The following SH3RF1 variants were observed in gnomAD, a reference collection of about 807,000 sequenced individuals.
SH3RF1 encodes SH3 domain containing ring finger 1, also known as E3 ubiquitin-protein ligase SH3RF1.
SH3RF1 carries 32 observed loss-of-function variants against 74.0 expected under a neutral mutation model. That is an observed-to-expected ratio of 0.43 (90% CI 0.33 to 0.58). The LOEUF (loss-of-function observed/expected upper bound fraction) is 0.58, where lower values mean the gene tolerates loss of function less well. Ranked by LOEUF, SH3RF1 falls within the 20% of genes least tolerant of loss-of-function variation. The pLI, the probability that SH3RF1 is intolerant of heterozygous loss-of-function variation, is 0.05. For missense variants in SH3RF1, 954 were observed against 1,130.9 expected, an observed-to-expected ratio of 0.84 and a Z score of 2.24; for synonymous variants, 396 against 439.6, an observed-to-expected ratio of 0.90 and a Z score of 1.24.
chr4:169,187,114 T>G lies in SH3RF1; in HGVS notation c.394-30435A>C, dbSNP rs531966894. ...CTCTTTTTGCTAACTCTTAAATTAT[T>G]AGAGCAACCTGCAACTCTTTTCCTA... is the stretch of plus-strand genomic sequence containing the variant. On this transcript the variant is annotated intron_variant, in intron 2 of 11. Transcript: ENST00000284637. Among the ~76,000 whole-genome samples the G allele has an allele frequency of 1.4e-4, 22 of 152,296 alleles. No individual in the cohort carries two copies. In the East Asian group the frequency reaches 4.0e-3, roughly 28 times the overall value.
intron 2 of SH3RF1, among the ~76,000 whole-genome samples, chr4:169,258,908 TCAACATTA>T (rs1289852299): frequency 4.6e-5 from 7 of 152,304 alleles, no homozygotes; most frequent in African/African-American, 1.7e-4. Context: ...GTTCAGCTTT[TCAACATTA>T]CTGCTCACAT....
At chr4:169,172,569 G>T (rs535650960) in intron 2 of SH3RF1, among the ~76,000 whole-genome samples, 126 of 152,228 alleles carry the variant, frequency 8.3e-4, no homozygotes, top group Non-Finnish European at 1.5e-3. Context: ...TTTTTATTTG[G>T]AGATTAAGTA....
chr4:169,237,328 T>C (rs1179348706), intron 2 of SH3RF1, among the ~76,000 whole-genome samples: 2 of 152,190 alleles, frequency 1.3e-5, no homozygotes, highest in Non-Finnish European at 2.9e-5. Flanking sequence ...CAGGTGTTTA[T>C]TTACCTGGGG....
chr4:169,258,327 T>C (rs1289942800), intron 2 of SH3RF1, among the ~76,000 whole-genome samples: 2 of 152,236 alleles, frequency 1.3e-5, no homozygotes, highest in East Asian at 3.8e-4. Flanking sequence ...ACAGCTGCTA[T>C]GTAAACATTT....
At chr4:169,242,592 G>A (rs1481100923) in intron 2 of SH3RF1, among the ~76,000 whole-genome samples, 1 of 152,180 alleles carries the variant, frequency 6.6e-6, no homozygotes. Context: ...ATTTGAATGT[G>A]TCACCCAAAA....
At chr4:169,262,774 C>T (rs919223705) in intron 2 of SH3RF1, among the ~76,000 whole-genome samples, 1 of 152,140 alleles carries the variant, frequency 6.6e-6, no homozygotes, top group African/African-American at 2.4e-5. Context: ...AGAATCATTA[C>T]TTTTTTAAAA....
intron 2 of SH3RF1, among the ~76,000 whole-genome samples, chr4:169,199,101 C>G (rs1025793776): frequency 6.6e-6 from 1 of 152,086 alleles, no homozygotes; most frequent in East Asian, 1.9e-4. Flanking sequence ...ATAATAAAGT[C>G]TAGGGTTTTA....
chr4:169,146,779 A>G (rs1215510910), intron 4 of SH3RF1, among the ~76,000 whole-genome samples: 1 of 152,138 alleles, frequency 6.6e-6, no homozygotes, highest in Admixed American at 6.6e-5. Context: ...GTAGTCAAGG[A>G]ATAGGCTTTT....
intron 4 of SH3RF1, among the ~76,000 whole-genome samples, chr4:169,143,437 T>G (rs1324499901): frequency 2.6e-5 from 4 of 152,182 alleles, no homozygotes; most frequent in African/African-American, 9.7e-5. Flanking sequence ...AACAGCGACA[T>G]GTGCATTGGA....
At chr4:169,250,288 T>G (rs1210209930) in intron 2 of SH3RF1, among the ~76,000 whole-genome samples, 1 of 152,034 alleles carries the variant, frequency 6.6e-6, no homozygotes, top group Non-Finnish European at 1.5e-5. Context: ...GCTGCTATGG[T>G]TTGGAATCAT....
chr4:169,150,780 C>A lies in SH3RF1; in HGVS notation c.765+4700G>T, dbSNP rs550533610. Among the ~76,000 whole-genome samples the A allele has an allele frequency of 2.3e-4, 35 of 152,196 alleles. No homozygotes were observed. In the South Asian group the frequency reaches 6.0e-3, roughly 26 times the overall value. ...ACTGTGAGGAATCCTGAAACCAACG[C>A]CCTGTGGATACTGAGGGACAACTGT... On this transcript the variant is annotated intron_variant, in intron 4 of 11. Coordinates refer to ENST00000284637, the MANE Select transcript of SH3RF1 (RefSeq NM_020870.4).
intron 2 of SH3RF1, among the ~76,000 whole-genome samples, chr4:169,167,777 G>A (rs573124336): frequency 2.0e-5 from 3 of 152,164 alleles, no homozygotes; most frequent in Admixed American, 6.5e-5. Context: ...GTATCTTGAC[G>A]GAGGTGTTAG....
chr4:169,123,145 AC>A (rs1415608175), intron 6 of SH3RF1, among the ~76,000 whole-genome samples: 1 of 152,246 alleles, frequency 6.6e-6, no homozygotes, highest in Non-Finnish European at 1.5e-5. Context: ...TAAAGAATTT[AC>A]CTAGTTAAGT....
intron 2 of SH3RF1, among the ~76,000 whole-genome samples, chr4:169,233,017 G>A (rs1268848105): frequency 6.6e-6 from 1 of 152,144 alleles, no homozygotes; most frequent in Middle Eastern, 3.2e-3. Context: ...GGGAGGCCGA[G>A]GCAGGCAGAT....
chr4:169,269,421 A>G (rs1731408997), intron 1 of SH3RF1, 114 bp from the exon 2 acceptor site: 2 of 544,662 alleles, frequency 3.7e-6, no homozygotes, highest in East Asian at 6.1e-5. Context: ...CCCTGTCTGA[A>G]TAGTGTAGCT....
chr4:169,213,545 C>T (rs1364664073), intron 2 of SH3RF1, among the ~76,000 whole-genome samples: 4 of 152,126 alleles, frequency 2.6e-5, no homozygotes, highest in Admixed American at 1.3e-4. Context: ...TTCAGCTTAT[C>T]GAATGTTTCT....
chr4:169,110,884 T>C (rs1402997386), intron 10 of SH3RF1, among the ~76,000 whole-genome samples: 1 of 152,200 alleles, frequency 6.6e-6, no homozygotes, highest in Non-Finnish European at 1.5e-5. Context: ...CTAGAGATTC[T>C]GAAGTTATGC....
In SH3RF1 at chr4:169,192,227, C is replaced by T. The variant is rs538313815; in HGVS notation, c.394-35548G>A. On this transcript the variant is annotated intron_variant, in intron 2 of 11. Transcript: ENST00000284637. ...AAAAACAATCTCATCAAAAAGTGGG[C>T]TCAGGACATGAATAGACAGTTCGCA... Among the ~76,000 whole-genome samples the T allele has an allele frequency of 2.0e-5, 3 of 151,972 alleles. No homozygotes were observed. The South Asian group carries it at 6.2e-4, about 32-fold the overall frequency.
At chr4:169,144,317 T>G (rs1442673854) in intron 4 of SH3RF1, among the ~76,000 whole-genome samples, 1 of 152,160 alleles carries the variant, frequency 6.6e-6, no homozygotes, top group African/African-American at 2.4e-5. Context: ...TCTGTAAAAT[T>G]TTATGCCTAG....
Sources: gnomAD v4.1 joint callset for allele counts (sites outside exome capture counted in the v4.1 genomes callset) on GRCh38, gnomAD v4.1.1 for gene constraint, MANE v1.5 for transcripts, NCBI Gene and HGNC (gene_info 2026-07-23, HGNC 2026-07-21) for gene names.